Variants in GALNT9 observed in about 807,000 individuals in gnomAD.
GALNT9 encodes GalNAc transferase 9.
GALNT9 carries 47 observed loss-of-function variants against 63.1 expected under a neutral mutation model. That is an observed-to-expected ratio of 0.75 (90% CI 0.59 to 0.95). The LOEUF is 0.95. Among genes scored for constraint, GALNT9 ranks in the 40% least tolerant of loss-of-function variants. The pLI, the probability that GALNT9 is intolerant of heterozygous loss-of-function variation, is 0.00. For missense variants in GALNT9, 829 were observed against 874.8 expected, an observed-to-expected ratio of 0.95 and a Z score of 0.66; for synonymous variants, 396 against 365.7, an observed-to-expected ratio of 1.08 and a Z score of -0.94.
At chr12:132,234,677 C>A (rs1330489191) in intron 6 of GALNT9, among the ~76,000 whole-genome samples, 1 of 17,976 alleles carries the variant, frequency 5.6e-5, no homozygotes, top group South Asian at 3.6e-3. Context: ...CACTCGATGG[C>A]GTGAGAGAGG....
At chr12:132,259,474 T>C (rs1474559305) in intron 4 of GALNT9, among the ~76,000 whole-genome samples, 9 of 152,130 alleles carry the variant, frequency 5.9e-5, no homozygotes, top group African/African-American at 2.2e-4. Context: ...GAAAGCGCCC[T>C]GCGGAGGAGC....
chr12:132,266,554 G>A (rs1879605978), intron 2 of GALNT9, among the ~76,000 whole-genome samples: 1 of 152,226 alleles, frequency 6.6e-6, no homozygotes, highest in Non-Finnish European at 1.5e-5. Flanking sequence ...ACGGCCACGA[G>A]CCCAGGGAAG....
At chr12:132,228,713 G>A (rs1434164078) in intron 6 of GALNT9, among the ~76,000 whole-genome samples, 6 of 152,152 alleles carry the variant, frequency 3.9e-5, no homozygotes, top group Admixed American at 2.0e-4. Context: ...AACACCCGAG[G>A]AGCAGCATGT....
rs1219891875 is a variant in GALNT9 at position 132,327,824 on chromosome 12, C to T, written c.238+1142G>A. On this transcript the variant is annotated intron_variant, in intron 1 of 10. Coordinates refer to ENST00000328957, the MANE Select transcript of GALNT9 (RefSeq NM_001122636.2). The surrounding 1 kb of genome is among the most constrained non-coding windows in gnomAD (Gnocchi z 4.3). ...GGATTCACCTCCCCCTCCCACCCCA[C>T]GGCCTGTCTGCAGCCCACCCTCAAG... Among the ~76,000 whole-genome samples the T allele has an allele frequency of 2.0e-5, 3 of 151,326 alleles. No individual in the cohort carries two copies. Among genetic ancestry groups the T allele is most frequent in the Non-Finnish European group, 2.9e-5 (2 of 67,802 alleles).
At position 132,203,678 on chromosome 12, in the gene GALNT9, C is replaced by T. The variant is rs759577338; in HGVS notation, c.1090G>A (p.Gly364Ser). Residue 364 changes from glycine (G) to serine (S), a missense_variant, in exon 7 of 11, where the codon GGC becomes AGC. Coordinates refer to ENST00000328957, the MANE Select transcript of GALNT9 (RefSeq NM_001122636.2). Reference protein sequence around the residue: ...VELGMRVWQCGGSMEVLPCSR... With the variant: ...VELGMRVWQCSGSMEVLPCSR... ...CAGGGCAGCACCTCCATGCTGCCGC[C>T]ACACTGCCACACCTGCGGGGAGACG... The T allele has an allele frequency of 1.2e-6, 2 of 1,612,612 alleles. No homozygotes were observed. The highest frequency in any genetic ancestry group is 1.7e-6 in the Non-Finnish European group (2 of 1,179,598).
In GALNT9 at chr12:132,296,247, G is replaced by C. The variant is rs1373303563; in HGVS notation, c.239-9817C>G. 2.0e-5 allele frequency among the ~76,000 whole-genome samples: 3 copies of C among 152,274 alleles called. No individual in the cohort carries two copies. The highest frequency in any genetic ancestry group is 2.0e-4 in the Admixed American group (3 of 15,290). On this transcript the variant is annotated intron_variant, in intron 1 of 10. Coordinates refer to ENST00000328957, the MANE Select transcript of GALNT9 (RefSeq NM_001122636.2). This position sits in a 1 kb window ranked among gnomAD's most constrained non-coding sequence, Gnocchi z 4.2. Reference sequence around the variant, plus strand: ...TAAGCCACGCAGTCTGTGGTGATCTGTCACGGCAGCCCCAAGAGATGACCG... The same window carrying C: ...TAAGCCACGCAGTCTGTGGTGATCTCTCACGGCAGCCCCAAGAGATGACCG...
At chr12:132,257,288 TGCGTCTGCATCTCTGTGATACA>T (rs1389098082) in intron 5 of GALNT9, among the ~76,000 whole-genome samples, 1 of 152,142 alleles carries the variant, frequency 6.6e-6, no homozygotes, top group East Asian at 1.9e-4. Context: ...CCCTGAGGGC[TGCGTCTGCATCTCTGTGATACA>T]GACAAGCTCT....
In GALNT9 at chr12:132,319,289, C is replaced by T. The variant is rs1217583245; in HGVS notation, c.238+9677G>A. Among the ~76,000 whole-genome samples the T allele has an allele frequency of 6.6e-6, 1 of 152,188 alleles. No individual in the cohort carries two copies. The highest frequency in any genetic ancestry group is 1.5e-5 in the Non-Finnish European group (1 of 68,030). ...CCCCAGTGCAGACAGGGATCAGCCC[C>T]TTCTCGGAGGCCCGGCTGGAACAGA... On this transcript the variant is annotated intron_variant, in intron 1 of 10. Coordinates refer to ENST00000328957, the MANE Select transcript of GALNT9 (RefSeq NM_001122636.2). The surrounding 1 kb of genome is among the most constrained non-coding windows in gnomAD (Gnocchi z 5.2).
intron 1 of GALNT9, among the ~76,000 whole-genome samples, chr12:132,328,061 T>C (rs554778139): frequency 4.1e-4 from 62 of 152,258 alleles, no homozygotes; most frequent in Admixed American, 6.5e-4. Flanking sequence ...CCACACCAGC[T>C]AGTGATGTAG....
chr12:132,239,633 G>C (rs2136897247), intron 6 of GALNT9, among the ~76,000 whole-genome samples: 3 of 86,190 alleles, frequency 3.5e-5, no homozygotes, highest in African/African-American at 1.7e-4. Context: ...GAGACAGAGA[G>C]ACAGAGTCAG....
Position 132,260,327 on chromosome 12 carries a change from G to A in GALNT9, c.761+621C>T, listed in dbSNP as rs376991041. 2.1e-3 allele frequency among the ~76,000 whole-genome samples: 326 copies of A among 152,250 alleles called. 2 individuals are homozygous for A. The highest frequency in any genetic ancestry group is 6.6e-3 in the African/African-American group (275 of 41,544). On this transcript the variant is annotated intron_variant, in intron 4 of 10. Coordinates refer to ENST00000328957, the MANE Select transcript of GALNT9 (RefSeq NM_001122636.2). ...CGGGCCCTGCCCACACCTTGGAGTC[G>A]GGCTCTGGGCCTCCAGAACGGTGAG...
At chr12:132,221,518 T>G (rs1350634420) in intron 6 of GALNT9, among the ~76,000 whole-genome samples, 8 of 140,432 alleles carry the variant, frequency 5.7e-5, no homozygotes, top group African/African-American at 1.3e-4. Flanking sequence ...ATTAGCTGGG[T>G]GTGGTGGTGG....
intron 1 of GALNT9, among the ~76,000 whole-genome samples, chr12:132,325,655 G>A (rs1295371355): frequency 6.6e-6 from 1 of 152,200 alleles, no homozygotes; most frequent in Admixed American, 6.5e-5. Flanking sequence ...ACCTCTCTGG[G>A]CCCCGTGGCC....
intron 6 of GALNT9, among the ~76,000 whole-genome samples, chr12:132,241,268 G>T (rs2136901106): frequency 4.5e-4 from 12 of 26,950 alleles, no homozygotes; most frequent in African/African-American, 5.8e-4. Context: ...CCCCCTTCCC[G>T]GGGCCCTCCC....
intron 6 of GALNT9, among the ~76,000 whole-genome samples, chr12:132,217,933 A>C: frequency 7.4e-6 from 1 of 135,688 alleles, no homozygotes. Flanking sequence ...CCATCCATTC[A>C]TCCACCCACC....
intron 6 of GALNT9, among the ~76,000 whole-genome samples, chr12:132,222,916 ATC>A (rs1877513553): frequency 3.4e-3 from 76 of 22,336 alleles, no homozygotes; most frequent in South Asian, 4.7e-3. Context: ...CCCCACATAC[ATC>A]CCACACAACC....
rs560423401 is a variant in GALNT9, at chr12:132,251,047, C to T, written c.960-3020G>A. On this transcript the variant is annotated intron_variant, in intron 5 of 10. Coordinates refer to ENST00000328957, the MANE Select transcript of GALNT9 (RefSeq NM_001122636.2). Reference sequence around the variant, plus strand: ...GGCACCGGAGCCGCGTCCTTCCACACGGAGTTTGGAACACGTCGAGAATAA... The same window carrying T: ...GGCACCGGAGCCGCGTCCTTCCACATGGAGTTTGGAACACGTCGAGAATAA... Among the ~76,000 whole-genome samples the T allele has an allele frequency of 2.6e-5, 4 of 152,186 alleles. No homozygotes were observed. The East Asian group carries it at 7.7e-4, about 29-fold the overall frequency.
rs1368566018 is a variant in GALNT9 at position 132,279,193 on chromosome 12, A to G, written c.419+7057T>C. On this transcript the variant is annotated intron_variant, in intron 2 of 10. Coordinates refer to ENST00000328957, the MANE Select transcript of GALNT9 (RefSeq NM_001122636.2). The surrounding 1 kb of genome is among the most constrained non-coding windows in gnomAD (Gnocchi z 4.1). ...CTCCCTACAACGCGGATTTATTCTTATTTCCCACAGGGAAGGCCTAACAAG... is the reference window on the plus strand; with the variant it reads ...CTCCCTACAACGCGGATTTATTCTTGTTTCCCACAGGGAAGGCCTAACAAG... 6.6e-6 allele frequency: 1 copy of G among 152,204 alleles called. No homozygotes were observed. Among genetic ancestry groups the G allele is most frequent in the Non-Finnish European group, 1.5e-5 (1 of 68,058 alleles). The allele number at this position is 152,204 out of a possible 1,614,324, so 9.4% of individuals were successfully genotyped here.
In GALNT9 at chr12:132,257,749, C is replaced by T; in HGVS notation, c.899G>A (p.Cys300Tyr). 1 of 1,550,452 alleles carries T rather than the reference C, an allele frequency of 6.4e-7. No individual in the cohort carries two copies. Among genetic ancestry groups the T allele is most frequent in the Non-Finnish European group, 8.7e-7 (1 of 1,146,820 alleles). ...GTCCTGCGGGGGGATGATGTACATG[C>T]ACCAGAGGCCCCAGTTGTAGCCATG... ...AAHGYNWGLW[C>Y]MYIIPPQDWL... The change falls in exon 5 of 11, where the codon TGC becomes TAC. Residue 300 changes from cysteine to tyrosine, a missense_variant. By Grantham distance (194) the Cys-to-Tyr change is radical (BLOSUM62 -2). Transcript: ENST00000328957.
Sources: allele counts gnomAD v4.1 joint callset (sites outside exome capture counted in the v4.1 genomes callset), GRCh38; gene constraint gnomAD v4.1.1; non-coding constraint Gnocchi (gnomAD v3.1); transcripts MANE v1.5; gene names NCBI Gene and HGNC (gene_info 2026-07-23, HGNC 2026-07-21).